The following CNTNAP4 variants were observed in gnomAD, a reference collection of about 807,000 sequenced individuals.
The protein encoded by CNTNAP4 is contactin-associated protein-like 4.
A neutral mutation model predicts 148.4 loss-of-function variants in CNTNAP4; 98 were observed. The ratio of observed to expected loss-of-function variants is 0.66; its 90% CI spans 0.56 to 0.78. The LOEUF (loss-of-function observed/expected upper bound fraction) is 0.78, where lower values mean the gene tolerates loss of function less well. Among genes scored for constraint, CNTNAP4 ranks in the 30% least tolerant of loss-of-function variants. CNTNAP4 has a pLI of 0.00. For synonymous variants in CNTNAP4, 730 were observed against 565.1 expected (o/e 1.29, Z -4.14); for missense variants, 1,935 against 1,565.6 (o/e 1.24, Z -3.98).
intron 1 of CNTNAP4, among the ~76,000 whole-genome samples, chr16:76,283,729 G>A (rs1466690591): frequency 3.3e-5 from 5 of 151,978 alleles, no homozygotes; most frequent in African/African-American, 1.2e-4. Context: ...ATACCTGAGT[G>A]TTGAAATAAT....
At chr16:76,331,675 A>G (rs1490212618) in intron 2 of CNTNAP4, among the ~76,000 whole-genome samples, 1 of 152,092 alleles carries the variant, frequency 6.6e-6, no homozygotes, top group Non-Finnish European at 1.5e-5. Context: ...ATCCTTATGC[A>G]TTGTATGCAC....
At chr16:76,556,933 C>G (rs997215824) in intron 23 of CNTNAP4, among the ~76,000 whole-genome samples, 1 of 152,140 alleles carries the variant, frequency 6.6e-6, no homozygotes, top group African/African-American at 2.4e-5. Context: ...AGGTTATATG[C>G]ACAGGAATCT....
intron 2 of CNTNAP4, among the ~76,000 whole-genome samples, chr16:76,343,202 T>C (rs780264154): frequency 3.3e-5 from 5 of 151,988 alleles, no homozygotes; most frequent in Non-Finnish European, 5.9e-5. Flanking sequence ...AGTGGATCAA[T>C]ATACACTGGG....
At chr16:76,355,563 A>T (rs531568840) in intron 3 of CNTNAP4, 52 bp downstream of exon 3, 2 of 1,302,352 alleles carry the variant, frequency 1.5e-6, no homozygotes, top group South Asian at 4.1e-5. Flanking sequence ...TATAATCAGT[A>T]CTGCATCTTG....
intron 3 of CNTNAP4, among the ~76,000 whole-genome samples, chr16:76,373,242 T>C (rs559732807): frequency 1.0e-5 from 1 of 99,118 alleles, no homozygotes; most frequent in Non-Finnish European, 2.4e-5. Context: ...TCCACATAAA[T>C]AGGTGAATAT....
At chr16:76,453,588 C>A (rs969097972) in intron 8 of CNTNAP4, among the ~76,000 whole-genome samples, 12 of 151,984 alleles carry the variant, frequency 7.9e-5, no homozygotes, top group African/African-American at 2.9e-4. Context: ...AATAAATAAT[C>A]TTTAAAAACA....
rs146327712 is a variant in CNTNAP4 at position 76,358,926 on chromosome 16, A to T, written c.390+3415A>T. Among the ~76,000 whole-genome samples, 1,078 of 152,230 alleles carry T rather than the reference A, an allele frequency of 7.1e-3. 7 individuals carry two copies. Among genetic ancestry groups the T allele is most frequent in the Non-Finnish European group, 0.011 (747 of 67,990 alleles). On this transcript the variant is annotated intron_variant, in intron 3 of 23. Coordinates refer to ENST00000611870, the MANE Select transcript of CNTNAP4 (RefSeq NM_033401.5). ...TGTGTATGTATTTCCTGTTAATCCT[A>T]GGTAGCTTCAAAGTTTTATTCTATT...
chr16:76,321,304 C>T (rs765415972), intron 2 of CNTNAP4, among the ~76,000 whole-genome samples: 1 of 152,094 alleles, frequency 6.6e-6, no homozygotes, highest in Non-Finnish European at 1.5e-5. Flanking sequence ...ATCTATATAG[C>T]GTTGTTTGGC....
At chr16:76,482,984 AAGAG>A (rs970342730) in intron 12 of CNTNAP4, among the ~76,000 whole-genome samples, 11 of 152,216 alleles carry the variant, frequency 7.2e-5, no homozygotes, top group Non-Finnish European at 1.2e-4. Context: ...CAGAGAAAAA[AAGAG>A]AGAAGACTTT....
chr16:76,515,839 A>C (rs568731192), intron 15 of CNTNAP4, among the ~76,000 whole-genome samples: 1 of 152,226 alleles, frequency 6.6e-6, no homozygotes, highest in Non-Finnish European at 1.5e-5. Flanking sequence ...ACTGGTCAGT[A>C]TATTGAGAAA....
At chr16:76,386,150 AAAAT>A (rs1163495284) in intron 3 of CNTNAP4, among the ~76,000 whole-genome samples, 1 of 152,196 alleles carries the variant, frequency 6.6e-6, no homozygotes, top group African/African-American at 2.4e-5. Context: ...TTTGGGGTTA[AAAAT>A]AAATCTTAGC....
At chr16:76,475,431 G>A (rs531118713) in intron 10 of CNTNAP4, among the ~76,000 whole-genome samples, 2 of 152,144 alleles carry the variant, frequency 1.3e-5, no homozygotes, top group African/African-American at 2.4e-5. Flanking sequence ...TATGAGTTCT[G>A]TTTTGCACCT....
rs75754928 is a variant in CNTNAP4, at chr16:76,294,384, C to T, written c.85+16637C>T. On this transcript the variant is annotated intron_variant, in intron 1 of 23. Transcript: ENST00000611870. ...CCAGTAATATCACTAGAGTTGACATCAGATGGGTTTTTATATTTTTCACCT... is the reference window on the plus strand; with the variant it reads ...CCAGTAATATCACTAGAGTTGACATTAGATGGGTTTTTATATTTTTCACCT... 6.5e-3 allele frequency among the ~76,000 whole-genome samples: 996 copies of T among 152,190 alleles called. 15 individuals carry two copies. Among genetic ancestry groups the T allele is most frequent in the African/African-American group, 0.022 (914 of 41,524 alleles).
intron 2 of CNTNAP4, among the ~76,000 whole-genome samples, chr16:76,344,948 C>T (rs1030758119): frequency 6.6e-6 from 1 of 152,240 alleles, no homozygotes; most frequent in African/African-American, 2.4e-5. Context: ...TTGCTAGTGA[C>T]TACCACAAGA....
chr16:76,506,186 G>A lies in CNTNAP4; in HGVS notation c.2365+7492G>A, dbSNP rs2082828122. ...CTACGTAATCAGCCTGCCAAGAGCAGTGGGAACGTATTTATTTTTGAGGAA... is the reference window on the plus strand; with the variant it reads ...CTACGTAATCAGCCTGCCAAGAGCAATGGGAACGTATTTATTTTTGAGGAA... On this transcript the variant is annotated intron_variant, in intron 15 of 23. Transcript: ENST00000611870. 2.1e-5 allele frequency among the ~76,000 whole-genome samples: 2 copies of A among 96,900 alleles called. 1 individual carries two copies. Among genetic ancestry groups the A allele is most frequent in the South Asian group, 8.1e-4 (2 of 2,474 alleles). 63.6% of individuals were successfully genotyped at this position (96,900 alleles called of 152,430 possible). A position where few individuals can be genotyped will look rare whatever the true frequency, so the allele number is the denominator to read the frequency against.
intron 23 of CNTNAP4, among the ~76,000 whole-genome samples, chr16:76,554,888 C>T (rs1286273911): frequency 6.6e-6 from 1 of 151,912 alleles, no homozygotes; most frequent in Non-Finnish European, 1.5e-5. Flanking sequence ...CTCAAGATGG[C>T]TTCTTAAAGT....
intron 8 of CNTNAP4, among the ~76,000 whole-genome samples, chr16:76,460,753 C>CAAAAAA (rs1158805627): frequency 6.4e-4 from 10 of 15,514 alleles, no homozygotes; most frequent in Non-Finnish European, 1.0e-3. Context: ...ACTCATGTCT[C>CAAAAAA]AAAAAAAAAA....
At chr16:76,476,383 C>T (rs1196663699) in intron 11 of CNTNAP4, among the ~76,000 whole-genome samples, 1 of 152,142 alleles carries the variant, frequency 6.6e-6, no homozygotes, top group African/African-American at 2.4e-5. Context: ...TGGAAACATG[C>T]TCAGTTACCA....
At position 76,489,727 on chromosome 16, in the gene CNTNAP4, A is replaced by T. The variant is rs768174183; in HGVS notation, c.1924A>T (p.Thr642Ser). The stretch of plus-strand genomic sequence containing the variant: ...CATACAGCACAACGGCTCTGACTTA[A>T]CAAGAGTCAGAAATACTAATCCAGA... ...TIIQHNGSDL[T>S]RVRNTNPENP... Residue 642 changes from threonine (T) to serine (S), a missense_variant, in exon 13 of 24, where the codon ACA (threonine) becomes TCA (serine). Coordinates refer to ENST00000611870, the MANE Select transcript of CNTNAP4 (RefSeq NM_033401.5). The T allele has an allele frequency of 1.2e-6, 2 of 1,605,634 alleles. No homozygotes were observed. Among genetic ancestry groups the T allele is most frequent in the Admixed American group, 3.4e-5 (2 of 59,138 alleles).
Sources: allele counts gnomAD v4.1 joint callset (sites outside exome capture counted in the v4.1 genomes callset), GRCh38; gene constraint gnomAD v4.1.1; transcripts MANE v1.5; gene names NCBI Gene and HGNC (gene_info 2026-07-23, HGNC 2026-07-21).